FREM3: variants seen among roughly 807,000 people sequenced by gnomAD.
The protein encoded by FREM3 is FRAS1-related extracellular matrix protein 3.
A neutral mutation model predicts 129.1 loss-of-function variants in FREM3; 105 were observed. The ratio of observed to expected loss-of-function variants is 0.81; its 90% confidence interval spans 0.69 to 0.96. The LOEUF is 0.96. Among genes scored for constraint, FREM3 ranks in the 40% least tolerant of loss-of-function variants. The probability of loss-of-function intolerance (pLI) is 0.00; values close to 1 mark genes in which losing one functional copy is unlikely to be tolerated. For missense variants in FREM3, 2,593 were observed against 2,666.3 expected (o/e 0.97, Z 0.61); for synonymous variants, 1,014 against 1,044.9 (o/e 0.97, Z 0.57).
chr4:143,683,973 C>T (rs1740306987), intron 2 of FREM3, among the ~76,000 whole-genome samples: 1 of 152,280 alleles, frequency 6.6e-6, no homozygotes, highest in Middle Eastern at 3.4e-3. Context: ...GGGAACCTCA[C>T]TCCCATTCCC....
chr4:143,661,760 T>A (rs1351399815), intron 2 of FREM3, among the ~76,000 whole-genome samples: 2 of 152,208 alleles, frequency 1.3e-5, no homozygotes, highest in Non-Finnish European at 2.9e-5. Flanking sequence ...ATTGCCACAA[T>A]TTCAGCTCCT....
chr4:143,693,194 C>T lies in FREM3; in HGVS notation c.5194G>A (p.Asp1732Asn). 6.7e-7 allele frequency: 1 copy of T among 1,488,936 alleles called. No homozygotes were observed. Among genetic ancestry groups the T allele is most frequent in the Non-Finnish European group, 8.9e-7 (1 of 1,118,422 alleles). 92.2% of individuals were successfully genotyped at this position (1,488,936 alleles called of 1,614,324 possible). A position where few individuals can be genotyped will look rare whatever the true frequency, so the allele number is the denominator to read the frequency against. ...STRVFTQADI[D>N]EMKISYVLNE... ...AAGACATAGGATATCTTCATCTCAT[C>T]AATGTCAGCTAAAAAAAAAGCAACC... is the stretch of plus-strand genomic sequence containing the variant. The change falls in exon 2 of 8, where the codon GAT (aspartate) becomes AAT (asparagine). Residue 1732 changes from aspartate to asparagine, a missense_variant. Physicochemically the swap from Asp to Asn is conservative, Grantham distance 23. This residue lies in a region of FREM3 where 2,276 missense variants were observed against 2,267.2 expected (regional missense o/e 1.00). Coordinates refer to ENST00000329798, the MANE Select transcript of FREM3 (RefSeq NM_001168235.2).
intron 6 of FREM3, among the ~76,000 whole-genome samples, chr4:143,610,163 GAAAAT>G (rs1425114603): frequency 6.6e-6 from 1 of 152,080 alleles, no homozygotes; most frequent in African/African-American, 2.4e-5. Context: ...ATTAGTCCTA[GAAAAT>G]TCTTTTTTAT....
chr4:143,603,076 T>C (rs1458502075), intron 6 of FREM3, among the ~76,000 whole-genome samples: 1 of 152,182 alleles, frequency 6.6e-6, no homozygotes, highest in Non-Finnish European at 1.5e-5. Context: ...GACTCTGATT[T>C]TCAGTTTTCT....
chr4:143,606,907 T>C lies in FREM3; in HGVS notation c.6028+4372A>G, dbSNP rs563240837. On this transcript the variant is annotated intron_variant, in intron 6 of 7. Transcript: ENST00000329798. ...TTCCAAAAAATATCTCTCTGCAGTA[T>C]ATTTTGATAGCTAGAACTTTACCAG... 3.2e-4 allele frequency among the ~76,000 whole-genome samples: 49 copies of C among 152,288 alleles called. 2 individuals carry two copies. The South Asian group carries it at 8.9e-3, about 28-fold the overall frequency.
chr4:143,698,669 C>T lies in FREM3; in HGVS notation c.2007G>A (p.Met669Ile), dbSNP rs1365108894. Residue 669 changes from methionine (M) to isoleucine (I), a missense_variant, in exon 1 of 8, where the codon ATG becomes ATA. By Grantham distance (10) the Met-to-Ile change is conservative. This residue lies in a region of FREM3 where 2,276 missense variants were observed against 2,267.2 expected (regional missense o/e 1.00). Transcript: ENST00000329798. ...CCTGCACATGGAAAGCCAGCTGGAC[C>T]ATTACAGATTGAGGGCTGTGTGGTC... ...HLGPHSPQSV[M>I]VQLAFHVQDD... 2 of 1,537,692 alleles carry T rather than the reference C, an allele frequency of 1.3e-6. No homozygotes were observed. Among genetic ancestry groups the T allele is most frequent in the Admixed American group, 2.0e-5 (1 of 51,012 alleles).
intron 2 of FREM3, among the ~76,000 whole-genome samples, chr4:143,680,809 C>T (rs1740235613): frequency 6.6e-6 from 1 of 152,040 alleles, no homozygotes; most frequent in Admixed American, 6.6e-5. Context: ...TGTGATATTA[C>T]TTTAACTGCA....
chr4:143,592,320 A>T (rs1738379617), intron 6 of FREM3, among the ~76,000 whole-genome samples: 2 of 151,418 alleles, frequency 1.3e-5, no homozygotes, highest in South Asian at 4.1e-4. Flanking sequence ...TAGTTGATGC[A>T]GTTTCTTCCT....
chr4:143,610,394 A>G (rs1738736538), intron 6 of FREM3, among the ~76,000 whole-genome samples: 1 of 152,224 alleles, frequency 6.6e-6, no homozygotes, highest in African/African-American at 2.4e-5. Flanking sequence ...CCTGGAGAGT[A>G]TAAACTGTTC....
rs1406925297 is a variant in FREM3 at position 143,700,509 on chromosome 4, C to T, written c.167G>A (p.Arg56His). The T allele has an allele frequency of 6.6e-7, 1 of 1,516,240 alleles. No homozygotes were observed. The highest frequency in any genetic ancestry group is 8.8e-7 in the Non-Finnish European group (1 of 1,135,114). The allele number at this position is 1,516,240 out of a possible 1,614,324, so 93.9% of individuals were successfully genotyped here. The part of the protein sequence containing the change: ...LPARGALDGT[R>H]PDGPSVLIAN... ...AATCAGCACGCTGGGGCCGTCGGGG[C>T]GAGTGCCGTCAAGCGCACCCCGGGC... The change falls in exon 1 of 8, where the codon CGC becomes CAC. Residue 56 changes from arginine to histidine, a missense_variant. Coordinates refer to ENST00000329798, the MANE Select transcript of FREM3 (RefSeq NM_001168235.2).
Position 143,697,264 on chromosome 4 carries a change from C to T in FREM3, c.3412G>A (p.Ala1138Thr), listed in dbSNP as rs755298454. 2 of 1,537,472 alleles carry T rather than the reference C, an allele frequency of 1.3e-6. No individual in the cohort carries two copies. Among genetic ancestry groups the T allele is most frequent in the South Asian group, 2.4e-5 (2 of 84,054 alleles). ...KMSQSGSPIS[A>T]FSLRDIQVRH... ...ACTTGGATATCTCTGAGGGAGAAAG[C>T]ACTGATAGGGCTACCAGACTGGGAC... is the stretch of plus-strand genomic sequence containing the variant. The change falls in exon 1 of 8, where the codon GCT becomes ACT. Residue 1138 changes from alanine (A) to threonine (T), a missense_variant. Transcript: ENST00000329798.
chr4:143,593,023 G>T (rs1738394661), intron 6 of FREM3, among the ~76,000 whole-genome samples: 1 of 152,084 alleles, frequency 6.6e-6, no homozygotes, highest in Non-Finnish European at 1.5e-5. Flanking sequence ...TCTTCCAGTT[G>T]ATCGCATCGG....
intron 2 of FREM3, among the ~76,000 whole-genome samples, chr4:143,669,296 A>G (rs1739922937): frequency 6.6e-6 from 1 of 152,182 alleles, no homozygotes; most frequent in Admixed American, 6.5e-5. Flanking sequence ...TTAATTCTTA[A>G]CTAATGAATT....
At chr4:143,588,907 C>T (rs972343588) in intron 6 of FREM3, among the ~76,000 whole-genome samples, 8 of 150,902 alleles carry the variant, frequency 5.3e-5, no homozygotes, top group Non-Finnish European at 1.0e-4. Context: ...CAGCACCTGT[C>T]GTTTCCTGAC....
At chr4:143,685,578 C>T (rs1236424265) in intron 2 of FREM3, among the ~76,000 whole-genome samples, 1 of 152,084 alleles carries the variant, frequency 6.6e-6, no homozygotes, top group African/African-American at 2.4e-5. Flanking sequence ...ACCTATAAAA[C>T]AAAAATACAA....
intron 2 of FREM3, among the ~76,000 whole-genome samples, chr4:143,688,222 A>G (rs1479571769): frequency 6.6e-6 from 1 of 152,166 alleles, no homozygotes; most frequent in Non-Finnish European, 1.5e-5. Flanking sequence ...ACCAACAGCT[A>G]CCAAGTGGAG....
In FREM3 at chr4:143,624,230, C is replaced by T. The variant is rs1235390782; in HGVS notation, c.5531G>A (p.Arg1844Lys). Residue 1844 changes from arginine to lysine, a missense_variant, in exon 4 of 8, where the codon AGA becomes AAA. Physicochemically the swap from Arg to Lys is conservative, Grantham distance 26. This residue lies in a region of FREM3 where 317 missense variants were observed against 399.0 expected (regional missense o/e 0.79). Coordinates refer to ENST00000329798, the MANE Select transcript of FREM3 (RefSeq NM_001168235.2). ...CTCATATTCATTGTCAGGTATAATT[C>T]TCACCCTCCATGTGGCTGTAGTCTG... ...PGQTTATWRV[R>K]IIPDNEYETS... The T allele has an allele frequency of 6.5e-7, 1 of 1,536,102 alleles. No homozygotes were observed. The highest frequency in any genetic ancestry group is 1.2e-5 in the South Asian group (1 of 84,044).
chr4:143,632,407 G>A (rs1278980552), intron 2 of FREM3, among the ~76,000 whole-genome samples: 2 of 152,060 alleles, frequency 1.3e-5, no homozygotes, highest in Admixed American at 6.6e-5. Flanking sequence ...GAGATTGGGG[G>A]AAAGAATATT....
At chr4:143,603,068 C>A (rs550358126) in intron 6 of FREM3, among the ~76,000 whole-genome samples, 1 of 152,148 alleles carries the variant, frequency 6.6e-6, no homozygotes, top group Non-Finnish European at 1.5e-5. Flanking sequence ...AACCAGAGGA[C>A]TCTGATTTTC....
Sources: gnomAD v4.1 joint callset for allele counts (sites outside exome capture counted in the v4.1 genomes callset) on GRCh38, gnomAD v4.1.1 for gene constraint, gnomAD v4.1.1 regional missense constraint, MANE v1.5 for transcripts, NCBI Gene and HGNC (gene_info 2026-07-23, HGNC 2026-07-21) for gene names.